KDM6A: variants seen among roughly 807,000 people sequenced by gnomAD.
The protein encoded by KDM6A is lysine demethylase 6A.
Under a neutral mutation model 117.6 loss-of-function variants are expected in KDM6A, and 11 were observed. The ratio of observed to expected loss-of-function variants is 0.09; its 90% confidence interval spans 0.06 to 0.15. The LOEUF is 0.15. Ranked by LOEUF, KDM6A falls within the 10% of genes least tolerant of loss-of-function variation. KDM6A has a pLI of 1.00. For missense variants in KDM6A, 799 were observed against 1,077.3 expected (o/e 0.74, Z 3.62); for synonymous variants, 384 against 396.1 (o/e 0.97, Z 0.36).
At chrX:44,977,930 A>T (rs1230046017) in intron 4 of KDM6A, among the ~76,000 whole-genome samples, 1 of 112,233 alleles carries the variant, frequency 8.9e-6, no homozygotes, top group African/African-American at 3.2e-5. Flanking sequence ...ATGTAGCTAT[A>T]TAACATGTAT....
intron 2 of KDM6A, among the ~76,000 whole-genome samples, chrX:44,881,447 C>A (rs1361474743): frequency 9.0e-6 from 1 of 111,524 alleles, no homozygotes; most frequent in South Asian, 3.7e-4. Flanking sequence ...CAAAAAACAA[C>A]AAAAAAACTG....
At chrX:45,015,183 T>G (rs1411815025) in intron 5 of KDM6A, among the ~76,000 whole-genome samples, 1 of 110,049 alleles carries the variant, frequency 9.1e-6, no homozygotes, top group Non-Finnish European at 1.9e-5. Flanking sequence ...CCCACTGAAG[T>G]CTCAACCTCC....
At chrX:45,081,211 C>T (rs975835017) in intron 21 of KDM6A, among the ~76,000 whole-genome samples, 1 of 111,962 alleles carries the variant, frequency 8.9e-6, no homozygotes, top group African/African-American at 3.3e-5. Flanking sequence ...AGATTATAGG[C>T]ATGAGCTACC....
At chrX:44,886,466 TA>T (rs1203188138) in intron 2 of KDM6A, among the ~76,000 whole-genome samples, 1 of 109,698 alleles carries the variant, frequency 9.1e-6, no homozygotes, top group African/African-American at 3.3e-5. Context: ...TGTATAGAAG[TA>T]GCCATAGTTA....
rs190850381 is a variant in KDM6A at position 44,975,862 on chromosome X, G to A, written c.384+1147G>A. Among the ~76,000 whole-genome samples the A allele has an allele frequency of 8.0e-5, 9 of 111,922 alleles. No homozygotes were observed. The East Asian group carries it at 2.5e-3, about 31-fold the overall frequency. ...GGGGGCTTGCCTGGGCATGCCTGCA[G>A]TGGACTGGAGGTACACATGCACTGG... On this transcript the variant is annotated intron_variant, in intron 4 of 29. Coordinates refer to ENST00000611820, the MANE Select transcript of KDM6A (RefSeq NM_001291415.2).
chrX:45,014,283 C>T, intron 5 of KDM6A, among the ~76,000 whole-genome samples: 1 of 111,538 alleles, frequency 9.0e-6, no homozygotes, highest in Non-Finnish European at 1.9e-5. Context: ...TTTTTTATTT[C>T]AGAGTTGATT....
chrX:45,053,737 G>A (rs751815713), intron 9 of KDM6A, 92 bp from the exon 10 acceptor site: 1 of 691,771 alleles, frequency 1.4e-6, no homozygotes, highest in East Asian at 3.5e-5. Flanking sequence ...ACAGAAAAGA[G>A]TACTTTTTTG....
In KDM6A at chrX:44,873,492, C is replaced by T. The variant is rs1020648308; in HGVS notation, c.-60C>T. Reference sequence around the variant, plus strand: ...TCCCGCGCGCAGATTGGGGGCGTCACTGCGGGCCCCGGTCCGAGGGGGGGT... The same window carrying T: ...TCCCGCGCGCAGATTGGGGGCGTCATTGCGGGCCCCGGTCCGAGGGGGGGT... On this transcript the variant is annotated 5_prime_UTR_variant, in exon 1 of 30. Coordinates refer to ENST00000611820, the MANE Select transcript of KDM6A (RefSeq NM_001291415.2). 7 of 1,201,200 alleles carry T rather than the reference C, an allele frequency of 5.8e-6. No individual in the cohort carries two copies. The East Asian group carries it at 2.1e-4, about 36-fold the overall frequency.
At chrX:44,966,882 T>C (rs2039046118) in intron 3 of KDM6A, among the ~76,000 whole-genome samples, 1 of 104,533 alleles carries the variant, frequency 9.6e-6, no homozygotes, top group Admixed American at 1.0e-4. Flanking sequence ...TTTTTTTTTT[T>C]TTTTTGAGAC....
At chrX:44,963,395 A>G (rs748016362) in intron 3 of KDM6A, among the ~76,000 whole-genome samples, 29 of 106,682 alleles carry the variant, frequency 2.7e-4, no homozygotes, top group Admixed American at 1.5e-3. Context: ...GGTTGAGGCT[A>G]TGGTGAGCTG....
intron 10 of KDM6A, among the ~76,000 whole-genome samples, chrX:45,056,796 GT>G (rs1407822995): frequency 9.0e-6 from 1 of 111,701 alleles, no homozygotes; most frequent in Non-Finnish European, 1.9e-5. Flanking sequence ...GGAATGGAAT[GT>G]TAAAACATTG....
At chrX:44,996,601 C>A (rs761981469) in intron 4 of KDM6A, among the ~76,000 whole-genome samples, 2 of 110,551 alleles carry the variant, frequency 1.8e-5, no homozygotes, top group East Asian at 5.9e-4. Flanking sequence ...CCAACCTCTT[C>A]TGCTAGATTA....
At chrX:44,889,688 A>G (rs1426437627) in intron 2 of KDM6A, among the ~76,000 whole-genome samples, 1 of 111,950 alleles carries the variant, frequency 8.9e-6, no homozygotes, top group East Asian at 2.8e-4. Context: ...TCCTATCTGA[A>G]GGAAAGTTGG....
At chrX:44,962,344 C>T (rs1015979791) in intron 3 of KDM6A, among the ~76,000 whole-genome samples, 36 of 111,913 alleles carry the variant, frequency 3.2e-4, no homozygotes, top group African/African-American at 1.2e-3. Context: ...CTGTTATATA[C>T]AGCTGCACTA....
chrX:45,100,777 A>G (rs1474675895), intron 27 of KDM6A, among the ~76,000 whole-genome samples: 2 of 110,487 alleles, frequency 1.8e-5, no homozygotes, highest in African/African-American at 6.6e-5. Context: ...ATTTCTTGTC[A>G]TATTATTTTG....
At chrX:45,080,300 T>TAAAAAACAA (rs1478622348) in intron 21 of KDM6A, among the ~76,000 whole-genome samples, 1 of 111,478 alleles carries the variant, frequency 9.0e-6, no homozygotes, top group South Asian at 3.7e-4. Flanking sequence ...AGGAGGAAAT[T>TAAAAAACAA]AAAAAACAAA....
At chrX:45,014,005 T>C (rs1431108204) in intron 5 of KDM6A, among the ~76,000 whole-genome samples, 1 of 111,739 alleles carries the variant, frequency 8.9e-6, no homozygotes, top group East Asian at 2.8e-4. Context: ...TATTGAGAAA[T>C]GTTTCTGGGG....
At chrX:45,072,880 T>C (rs139593243) in intron 18 of KDM6A, among the ~76,000 whole-genome samples, 4,492 of 105,932 alleles carry the variant, frequency 0.042, 82 homozygotes, top group Middle Eastern at 0.077. Context: ...TATATATATA[T>C]ACATATATAT....
At chrX:44,914,533 G>A (rs756894943) in intron 2 of KDM6A, among the ~76,000 whole-genome samples, 6 of 111,281 alleles carry the variant, frequency 5.4e-5, no homozygotes, top group African/African-American at 1.6e-4. Context: ...CACTGTGTCA[G>A]GAGTGAATCA....
Sources: allele counts gnomAD v4.1 joint callset (sites outside exome capture counted in the v4.1 genomes callset), GRCh38; gene constraint gnomAD v4.1.1; transcripts MANE v1.5; gene names NCBI Gene and HGNC (gene_info 2026-07-23, HGNC 2026-07-21).